The following SMYD3 variants were observed in gnomAD, a reference collection of about 807,000 sequenced individuals.
SMYD3 encodes the protein histone-lysine N-methyltransferase SMYD3.
A neutral mutation model predicts 57.7 loss-of-function variants in SMYD3; 36 were observed. The observed-to-expected ratio is 0.62, with a 90% CI of 0.48 to 0.82. SMYD3 has a LOEUF of 0.82. SMYD3 is among the 40% of genes least tolerant of loss of function. SMYD3 has a pLI of 0.00. For missense variants in SMYD3, 515 were observed against 538.8 expected, an observed-to-expected ratio of 0.96 and a Z score of 0.44; for synonymous variants, 211 against 195.0, an observed-to-expected ratio of 1.08 and a Z score of -0.68.
intron 5 of SMYD3, among the ~76,000 whole-genome samples, chr1:246,074,377 A>C (rs1004598304): frequency 7.2e-5 from 11 of 152,050 alleles, no homozygotes; most frequent in Non-Finnish European, 1.3e-4. Context: ...AAAAAAAAAA[A>C]CAAACTGTGA....
chr1:246,208,353 T>A (rs140987239), intron 5 of SMYD3, among the ~76,000 whole-genome samples: 28 of 152,240 alleles, frequency 1.8e-4, no homozygotes, highest in African/African-American at 6.7e-4. Flanking sequence ...ATGGAGACAC[T>A]ATTAAGCTGA....
In SMYD3 at chr1:246,072,234, C is replaced by G. The variant is rs71533455; in HGVS notation, c.532-142297G>C. Among the ~76,000 whole-genome samples, 16 of 136,974 alleles carry G rather than the reference C, an allele frequency of 1.2e-4. No individual in the cohort carries two copies. The East Asian group carries it at 1.3e-3, about 11-fold the overall frequency. 89.9% of individuals were successfully genotyped at this position (136,974 alleles called of 152,430 possible). ...CCACTGTGCTCACTGTGGATGCTTC[C>G]TGTTAGTTCTGGGGAGGGATTCGTG... On this transcript the variant is annotated intron_variant, in intron 5 of 11. Transcript: ENST00000490107.
chr1:245,828,689 C>A (rs1161317140), intron 10 of SMYD3, among the ~76,000 whole-genome samples: 2 of 148,368 alleles, frequency 1.3e-5, no homozygotes, highest in East Asian at 2.0e-4. Context: ...CATATTAGGA[C>A]ATGGATGTCA....
intron 11 of SMYD3, among the ~76,000 whole-genome samples, chr1:245,763,822 A>T (rs1020207531): frequency 6.6e-6 from 1 of 152,206 alleles, no homozygotes; most frequent in African/African-American, 2.4e-5. Context: ...TTTTACATTT[A>T]AAATCAGCCA....
intron 1 of SMYD3, among the ~76,000 whole-genome samples, chr1:246,448,451 TC>T (rs1280031634): frequency 2.0e-5 from 3 of 151,948 alleles, no homozygotes; most frequent in African/African-American, 7.3e-5. Context: ...GGAATACCCA[TC>T]CCCAACATAT....
chr1:246,326,844 A>G (rs2065361085), intron 5 of SMYD3: 5 of 318,192 alleles, frequency 1.6e-5, no homozygotes, highest in Non-Finnish European at 2.9e-5. Flanking sequence ...AACAACCACC[A>G]TAAAACTCAA....
chr1:246,041,205 T>C (rs1156451525), intron 5 of SMYD3, among the ~76,000 whole-genome samples: 1 of 152,152 alleles, frequency 6.6e-6, no homozygotes, highest in African/African-American at 2.4e-5. Flanking sequence ...TCTGTGTAGG[T>C]ACCTCTATGA....
chr1:246,425,476 TA>T (rs2067204874), intron 1 of SMYD3, among the ~76,000 whole-genome samples: 1 of 152,194 alleles, frequency 6.6e-6, no homozygotes, highest in Non-Finnish European at 1.5e-5. Context: ...TAAGGCTTTC[TA>T]CAGTAAGCCA....
chr1:245,825,264 T>C lies in SMYD3; in HGVS notation c.1076+33232A>G, dbSNP rs189946408. On this transcript the variant is annotated intron_variant, in intron 10 of 11. Transcript: ENST00000490107. ...CTTTTTCCATCTCCCTACGTTCTCT[T>C]AGATTTGGAAACCCACAACGGCTCC... 9.9e-5 allele frequency among the ~76,000 whole-genome samples: 15 copies of C among 152,284 alleles called. No homozygotes were observed. In the East Asian group the frequency reaches 2.7e-3, roughly 27 times the overall value.
intron 5 of SMYD3, among the ~76,000 whole-genome samples, chr1:246,118,282 A>G (rs550295180): frequency 6.6e-6 from 1 of 152,310 alleles, no homozygotes; most frequent in East Asian, 1.9e-4. Flanking sequence ...GGTTATTCAA[A>G]GAGTGGGAAA....
intron 5 of SMYD3, among the ~76,000 whole-genome samples, chr1:245,984,149 G>A (rs2058656406): frequency 6.6e-6 from 1 of 151,936 alleles, no homozygotes; most frequent in Non-Finnish European, 1.5e-5. Context: ...ACAGGCGCCT[G>A]CCACCACGCC....
At chr1:246,218,554 GA>G (rs2063202359) in intron 5 of SMYD3, among the ~76,000 whole-genome samples, 2 of 151,762 alleles carry the variant, frequency 1.3e-5, no homozygotes, top group Non-Finnish European at 2.9e-5. Flanking sequence ...CCAGGAGACG[GA>G]GCTTGCAGTA....
At chr1:246,025,502 A>T (rs1397984398) in intron 5 of SMYD3, among the ~76,000 whole-genome samples, 1 of 152,212 alleles carries the variant, frequency 6.6e-6, no homozygotes, top group Non-Finnish European at 1.5e-5. Context: ...CATTTTCTGG[A>T]ATTCATTAAT....
At chr1:246,477,281 G>C (rs2068041622) in intron 1 of SMYD3, among the ~76,000 whole-genome samples, 1 of 152,022 alleles carries the variant, frequency 6.6e-6, no homozygotes, top group Non-Finnish European at 1.5e-5. Flanking sequence ...GAATTTGTTA[G>C]GTTTTAAAAT....
chr1:245,849,011 T>C (rs2050814336), intron 10 of SMYD3, among the ~76,000 whole-genome samples: 1 of 152,132 alleles, frequency 6.6e-6, no homozygotes, highest in Admixed American at 6.5e-5. Context: ...TCAGGAAGCC[T>C]TTTAGGACCA....
chr1:245,789,743 T>C (rs1178374793), intron 10 of SMYD3, among the ~76,000 whole-genome samples: 2 of 152,172 alleles, frequency 1.3e-5, no homozygotes, highest in Admixed American at 1.3e-4. Flanking sequence ...TCCCAAAACA[T>C]TGTTGGGACA....
At chr1:246,119,413 CTTTTTTT>C (rs111657622) in intron 5 of SMYD3, among the ~76,000 whole-genome samples, 4 of 130,210 alleles carry the variant, frequency 3.1e-5, no homozygotes, top group Middle Eastern at 3.9e-3. Flanking sequence ...TTTGTTCTTT[CTTTTTTT>C]TTTTTTTTTT....
chr1:246,488,044 C>T (rs1221518080), intron 1 of SMYD3, among the ~76,000 whole-genome samples: 2 of 152,086 alleles, frequency 1.3e-5, no homozygotes, highest in East Asian at 1.9e-4. Context: ...CATGTGACCT[C>T]GTAATAAACT....
intron 1 of SMYD3, among the ~76,000 whole-genome samples, chr1:246,372,810 A>C (rs2066213782): frequency 6.6e-6 from 1 of 152,214 alleles, no homozygotes; most frequent in Non-Finnish European, 1.5e-5. Context: ...AGTATAACAA[A>C]AAGGGAGTTA....
Sources: gnomAD v4.1 joint callset for allele counts (sites outside exome capture counted in the v4.1 genomes callset) on GRCh38, gnomAD v4.1.1 for gene constraint, MANE v1.5 for transcripts, NCBI Gene and HGNC (gene_info 2026-07-23, HGNC 2026-07-21) for gene names.